The following GALNT17 variants were observed in gnomAD, a reference collection of about 807,000 sequenced individuals.
GALNT17 encodes the protein UDP-GalNAc:polypeptide N-acetylgalactosaminyltransferase-like 3.
In GALNT17, 29 loss-of-function variants were observed where a neutral mutation model predicts 63.7. The observed-to-expected ratio is 0.46, with a 90% CI of 0.34 to 0.62. The LOEUF is 0.62. Ranked by LOEUF, GALNT17 falls within the 20% of genes least tolerant of loss-of-function variation. GALNT17 has a pLI of 0.01. For synonymous variants in GALNT17, 305 were observed against 318.3 expected, an observed-to-expected ratio of 0.96 and a Z score of 0.45; for missense variants, 603 against 799.6, an observed-to-expected ratio of 0.75 and a Z score of 2.97.
At chr7:71,327,225 A>C (rs2116041821) in intron 1 of GALNT17, among the ~76,000 whole-genome samples, 1 of 152,280 alleles carries the variant, frequency 6.6e-6, no homozygotes, top group East Asian at 1.9e-4. Context: ...GCTGCTGATA[A>C]AGACATACCC....
chr7:71,452,423 G>A (rs1787279481), intron 5 of GALNT17, among the ~76,000 whole-genome samples: 1 of 152,086 alleles, frequency 6.6e-6, no homozygotes, highest in African/African-American at 2.4e-5. Context: ...GTGTGCACCT[G>A]TAATCCCAGC....
At chr7:71,183,531 C>T (rs1310895784) in intron 1 of GALNT17, among the ~76,000 whole-genome samples, 1 of 152,118 alleles carries the variant, frequency 6.6e-6, no homozygotes, top group Non-Finnish European at 1.5e-5. Flanking sequence ...AGATATTGCT[C>T]GCCAAGACCC....
intron 5 of GALNT17, among the ~76,000 whole-genome samples, chr7:71,493,495 C>T (rs1004405417): frequency 2.6e-5 from 4 of 152,114 alleles, no homozygotes; most frequent in South Asian, 2.1e-4. Context: ...CTCACAATCA[C>T]GGTGGAAGGT....
At chr7:71,697,169 A>G (rs1367451425) in intron 9 of GALNT17, among the ~76,000 whole-genome samples, 1 of 152,184 alleles carries the variant, frequency 6.6e-6, no homozygotes, top group Non-Finnish European at 1.5e-5. Flanking sequence ...GTCATGGTAG[A>G]AAGTTTATTC....
intron 1 of GALNT17, among the ~76,000 whole-genome samples, chr7:71,234,192 C>G (rs1018954859): frequency 2.0e-5 from 3 of 152,184 alleles, no homozygotes; most frequent in African/African-American, 7.2e-5. Context: ...GGAGAGCTAT[C>G]CTGTCACTTT....
At chr7:71,592,180 T>C (rs541427126) in intron 6 of GALNT17, among the ~76,000 whole-genome samples, 8 of 152,208 alleles carry the variant, frequency 5.3e-5, no homozygotes, top group Admixed American at 2.6e-4. Flanking sequence ...GGCTGGAGTG[T>C]GTAAACCAAA....
intron 5 of GALNT17, among the ~76,000 whole-genome samples, chr7:71,483,813 C>G (rs1787862356): frequency 6.6e-6 from 1 of 152,180 alleles, no homozygotes; most frequent in African/African-American, 2.4e-5. Context: ...CATTGTACAG[C>G]TGTACAAAAA....
At chr7:71,242,684 A>G (rs1304160188) in intron 1 of GALNT17, among the ~76,000 whole-genome samples, 1 of 152,200 alleles carries the variant, frequency 6.6e-6, no homozygotes, top group Non-Finnish European at 1.5e-5. Context: ...ACTACAAGGA[A>G]GAGGGCAACA....
At chr7:71,655,665 T>G (rs1584116121) in intron 6 of GALNT17, among the ~76,000 whole-genome samples, 1 of 152,184 alleles carries the variant, frequency 6.6e-6, no homozygotes, top group Non-Finnish European at 1.5e-5. Context: ...CCTTTCCCAC[T>G]AGAGAGTAAA....
intron 6 of GALNT17, among the ~76,000 whole-genome samples, chr7:71,648,266 G>A (rs1375201448): frequency 6.6e-6 from 1 of 151,180 alleles, no homozygotes; most frequent in Non-Finnish European, 1.5e-5. Context: ...GCTGTCATGA[G>A]CTACTTTTTT....
At chr7:71,435,089 G>A (rs959521761) in intron 5 of GALNT17, among the ~76,000 whole-genome samples, 5 of 152,298 alleles carry the variant, frequency 3.3e-5, no homozygotes, top group Middle Eastern at 3.4e-3. Flanking sequence ...CATTTTGGGA[G>A]GCTGAAGTGG....
chr7:71,698,123 C>CAAAAAAAAAAA (rs10708106), intron 9 of GALNT17, among the ~76,000 whole-genome samples: 2 of 107,694 alleles, frequency 1.9e-5, no homozygotes, highest in East Asian at 2.4e-4. Flanking sequence ...GACTCTGTCT[C>CAAAAAAAAAAA]AAAAAAAAAA....
intron 1 of GALNT17, among the ~76,000 whole-genome samples, chr7:71,147,590 C>T (rs1298215436): frequency 1.3e-5 from 2 of 152,142 alleles, no homozygotes; most frequent in Admixed American, 1.3e-4. Flanking sequence ...TTAACCATCA[C>T]ATTCATCCTA....
chr7:71,145,212 G>A (rs1787995267), intron 1 of GALNT17, among the ~76,000 whole-genome samples: 1 of 152,242 alleles, frequency 6.6e-6, no homozygotes, highest in African/African-American at 2.4e-5. Context: ...ACCTGAAAGA[G>A]TGTCTCAAAG....
At chr7:71,415,748 T>A in intron 3 of GALNT17, 141 bp from the exon 4 acceptor site, 1 of 936,542 alleles carries the variant, frequency 1.1e-6, no homozygotes. Flanking sequence ...CTGATGAGAT[T>A]TTCTTTTCTG....
intron 2 of GALNT17, among the ~76,000 whole-genome samples, chr7:71,379,073 A>G (rs1792796970): frequency 6.6e-6 from 1 of 152,168 alleles, no homozygotes; most frequent in African/African-American, 2.4e-5. Context: ...ACCAGAGTGA[A>G]GAGTGCCATG....
intron 5 of GALNT17, among the ~76,000 whole-genome samples, chr7:71,522,126 A>G (rs1225409403): frequency 6.6e-6 from 1 of 152,154 alleles, no homozygotes; most frequent in Non-Finnish European, 1.5e-5. Context: ...CTGCGGATCC[A>G]CACTTTGTCT....
intron 6 of GALNT17, among the ~76,000 whole-genome samples, chr7:71,638,299 A>G (rs892276445): frequency 1.3e-5 from 2 of 152,162 alleles, no homozygotes; most frequent in Non-Finnish European, 2.9e-5. Context: ...TATGACCTGT[A>G]TCTTGTGCCA....
At chr7:71,639,122 T>C (rs1172498907) in intron 6 of GALNT17, among the ~76,000 whole-genome samples, 2 of 152,206 alleles carry the variant, frequency 1.3e-5, no homozygotes, top group Non-Finnish European at 2.9e-5. Context: ...GATAAATGCT[T>C]GAGGGGGGAT....
Sources: gnomAD v4.1 joint callset for allele counts (sites outside exome capture counted in the v4.1 genomes callset) on GRCh38, gnomAD v4.1.1 for gene constraint, MANE v1.5 for transcripts, NCBI Gene and HGNC (gene_info 2026-07-23, HGNC 2026-07-21) for gene names.